Variants in UBE2R2 observed in about 807,000 individuals in gnomAD.
UBE2R2 encodes ubiquitin-conjugating enzyme E2 R2.
UBE2R2 carries 1 observed loss-of-function variant against 27.8 expected under a neutral mutation model. That is an observed-to-expected ratio of 0.04 (90% CI 0.01 to 0.17). The LOEUF (loss-of-function observed/expected upper bound fraction) is 0.17. Ranked by LOEUF, UBE2R2 falls within the 10% of genes least tolerant of loss-of-function variation. The pLI is 1.00. For synonymous variants in UBE2R2, 106 were observed against 113.3 expected (o/e 0.94, Z 0.41); for missense variants, 100 against 291.0 (o/e 0.34, Z 4.78).
At chr9:33,873,083 G>A (rs1821522351) in intron 1 of UBE2R2, among the ~76,000 whole-genome samples, 1 of 150,784 alleles carries the variant, frequency 6.6e-6, no homozygotes, top group South Asian at 2.1e-4. Flanking sequence ...GGTGAGACAG[G>A]AGAATTGCTT....
rs895876958 is a variant in UBE2R2, at chr9:33,827,639, C to T, written c.177+9705C>T. The stretch of plus-strand genomic sequence containing the variant: ...CTGGGCAACAAGAGTGAAATTCCAT[C>T]TAAAAAAAAAAATTAATTAATTAAT... On this transcript the variant is annotated intron_variant, in intron 1 of 4. Transcript: ENST00000263228. Among the ~76,000 whole-genome samples the T allele has an allele frequency of 6.2e-5, 9 of 146,114 alleles. No homozygotes were observed. The Middle Eastern group carries it at 0.011, about 182-fold the overall frequency.
chr9:33,841,269 G>A (rs752413598), intron 1 of UBE2R2, among the ~76,000 whole-genome samples: 7 of 152,018 alleles, frequency 4.6e-5, no homozygotes, highest in Non-Finnish European at 7.4e-5. Context: ...TAGTAGAGAC[G>A]GAGTTTCACC....
rs1822672290 is a variant in UBE2R2 at position 33,917,299 on chromosome 9, G to A, written c.*62G>A. The A allele has an allele frequency of 1.9e-6, 3 of 1,597,594 alleles. No homozygotes were observed. Among genetic ancestry groups the A allele is most frequent in the South Asian group, 2.2e-5 (2 of 89,606 alleles). Reference sequence around the variant, plus strand: ...TCAGGCCAAAGGGAGGGGAGCAAGTGGGGACCTGGCCATGGCCCCTCAGCA... The same window carrying A: ...TCAGGCCAAAGGGAGGGGAGCAAGTAGGGACCTGGCCATGGCCCCTCAGCA... On this transcript the variant is annotated 3_prime_UTR_variant, in exon 5 of 5. Transcript: ENST00000263228.
chr9:33,816,849 G>C (rs1448816931), upstream of UBE2R2, among the ~76,000 whole-genome samples: 2 of 152,248 alleles, frequency 1.3e-5, no homozygotes, highest in African/African-American at 4.8e-5. Flanking sequence ...CTTTGGAACT[G>C]CGGCGTCCAG....
upstream of UBE2R2, among the ~76,000 whole-genome samples, chr9:33,817,020 T>C (rs974436871): frequency 1.6e-5 from 1 of 62,876 alleles, no homozygotes; most frequent in Non-Finnish European, 3.1e-5. Context: ...GAGGAGGAGG[T>C]GGTAGTGGAG....
chr9:33,827,420 C>G (rs575159923), intron 1 of UBE2R2, among the ~76,000 whole-genome samples: 105 of 152,080 alleles, frequency 6.9e-4, no homozygotes, highest in Admixed American at 1.2e-3. Context: ...GCGGGCGAAT[C>G]ACTTGAGATT....
At position 33,817,722 on chromosome 9, in the gene UBE2R2, C is replaced by G; in HGVS notation, c.-36C>G. On this transcript the variant is annotated 5_prime_UTR_variant, in exon 1 of 5. Coordinates refer to ENST00000263228, the MANE Select transcript of UBE2R2 (RefSeq NM_017811.4). The stretch of plus-strand genomic sequence containing the variant: ...CCCGGCCGGTGCGTGAGGACTGGGG[C>G]CCGGGCCCGGCGCCGCCGCCGCCGC... 6.8e-7 allele frequency: 1 copy of G among 1,477,110 alleles called. No individual in the cohort carries two copies. Among genetic ancestry groups the G allele is most frequent in the South Asian group, 1.3e-5 (1 of 79,776 alleles). 91.5% of individuals were successfully genotyped at this position (1,477,110 alleles called of 1,614,324 possible).
chr9:33,819,557 A>T (rs216367), intron 1 of UBE2R2, among the ~76,000 whole-genome samples: 61,834 of 152,032 alleles, frequency 0.41, 12,921 homozygotes, highest in African/African-American at 0.49. Flanking sequence ...TGTGTTTATG[A>T]TGAAGCATAT....
At chr9:33,875,444 T>A (rs1180273128) in intron 1 of UBE2R2, among the ~76,000 whole-genome samples, 1 of 152,212 alleles carries the variant, frequency 6.6e-6, no homozygotes, top group African/African-American at 2.4e-5. Flanking sequence ...GATTTGATGA[T>A]TTAAGATTAT....
At chr9:33,883,919 T>A (rs1821791722) in intron 1 of UBE2R2, among the ~76,000 whole-genome samples, 1 of 151,824 alleles carries the variant, frequency 6.6e-6, no homozygotes, top group Non-Finnish European at 1.5e-5. Context: ...TCCCAGCACT[T>A]TGGGAGGCCG....
intron 1 of UBE2R2, 83 bp downstream of exon 1, chr9:33,818,017 G>A: frequency 6.6e-7 from 1 of 1,514,396 alleles, no homozygotes; most frequent in South Asian, 1.2e-5. Flanking sequence ...CTGGGACCAG[G>A]AGTATGAGCA....
At chr9:33,849,807 A>G (rs1820924780) in intron 1 of UBE2R2, among the ~76,000 whole-genome samples, 1 of 152,042 alleles carries the variant, frequency 6.6e-6, no homozygotes, top group Non-Finnish European at 1.5e-5. Flanking sequence ...CAGTGAGCCA[A>G]GCCAAGATCT....
chr9:33,875,199 A>G (rs1160825481), intron 1 of UBE2R2, among the ~76,000 whole-genome samples: 1 of 152,150 alleles, frequency 6.6e-6, no homozygotes, highest in Non-Finnish European at 1.5e-5. Flanking sequence ...CCTAACTGTA[A>G]TACTATTATC....
intron 1 of UBE2R2, among the ~76,000 whole-genome samples, chr9:33,869,849 T>G (rs886862505): frequency 1.6e-4 from 25 of 152,044 alleles, no homozygotes; most frequent in Non-Finnish European, 3.2e-4. Flanking sequence ...TTTGTTTTTG[T>G]TTTTTTATTT....
chr9:33,833,167 T>G lies in UBE2R2; in HGVS notation c.177+15233T>G, dbSNP rs189912059. Among the ~76,000 whole-genome samples the G allele has an allele frequency of 2.6e-3, 403 of 152,210 alleles. 2 individuals are homozygous for G. The highest frequency in any genetic ancestry group is 4.6e-3 in the Non-Finnish European group (316 of 68,004). Reference sequence around the variant, plus strand: ...GAAACCTCCGCCTCCTGGGTTCAAGTGATTCTCCTGCCTCAGCCTCCCGAG... The same window carrying G: ...GAAACCTCCGCCTCCTGGGTTCAAGGGATTCTCCTGCCTCAGCCTCCCGAG... On this transcript the variant is annotated intron_variant, in intron 1 of 4. Coordinates refer to ENST00000263228, the MANE Select transcript of UBE2R2 (RefSeq NM_017811.4).
intron 1 of UBE2R2, among the ~76,000 whole-genome samples, chr9:33,819,360 CTACTG>C (rs1825919835): frequency 6.6e-6 from 1 of 152,102 alleles, no homozygotes; most frequent in African/African-American, 2.4e-5. Context: ...TTAATATTCA[CTACTG>C]TATATAGTCA....
intron 4 of UBE2R2, among the ~76,000 whole-genome samples, chr9:33,914,685 G>A (rs1438283508): frequency 6.6e-6 from 1 of 152,000 alleles, no homozygotes; most frequent in Admixed American, 6.6e-5. Flanking sequence ...AAAGTTAGTT[G>A]GGCATAGTGG....
intron 1 of UBE2R2, among the ~76,000 whole-genome samples, chr9:33,856,807 T>TTCCGTCCTTCCATCCATCCATCCGTCTG (rs1233245116): frequency 2.0e-5 from 3 of 151,520 alleles, no homozygotes; most frequent in Non-Finnish European, 2.9e-5. Flanking sequence ...ACTTCTGTCC[T>TTCCGTCCTTCCATCCATCCATCCGTCTG]TCCGTCCTTC....
chr9:33,914,848 GAC>G (rs1191613892), intron 4 of UBE2R2, among the ~76,000 whole-genome samples: 1 of 149,584 alleles, frequency 6.7e-6, no homozygotes, highest in African/African-American at 2.5e-5. Flanking sequence ...AAAAAAAAAA[GAC>G]AGTCAGCTGG....
Sources: allele counts gnomAD v4.1 joint callset (sites outside exome capture counted in the v4.1 genomes callset), GRCh38; gene constraint gnomAD v4.1.1; transcripts MANE v1.5; gene names NCBI Gene and HGNC (gene_info 2026-07-23, HGNC 2026-07-21).